AGBL4: variants seen among roughly 807,000 people sequenced by gnomAD.
AGBL4 encodes the protein AGBL carboxypeptidase 4.
In AGBL4, 58 loss-of-function variants were observed where a neutral mutation model predicts 66.4. That is an observed-to-expected ratio of 0.87 (90% CI 0.71 to 1.09). AGBL4 has a LOEUF of 1.09. Ranked by LOEUF, AGBL4 falls within the 50% of genes least tolerant of loss-of-function variation. The pLI is 0.00. For missense variants in AGBL4, 579 were observed against 631.0 expected, an observed-to-expected ratio of 0.92 and a Z score of 0.88; for synonymous variants, 234 against 222.9, an observed-to-expected ratio of 1.05 and a Z score of -0.44.
chr1:48,910,436 A>G (rs557426228), intron 5 of AGBL4, among the ~76,000 whole-genome samples: 2 of 152,314 alleles, frequency 1.3e-5, no homozygotes, highest in South Asian at 4.1e-4. Context: ...AGATTCACTA[A>G]CAGTTATTTT....
chr1:48,786,910 G>T (rs1645421217), intron 6 of AGBL4, among the ~76,000 whole-genome samples: 1 of 152,120 alleles, frequency 6.6e-6, no homozygotes, highest in African/African-American at 2.4e-5. Flanking sequence ...CCCTATTATT[G>T]ATTAGAGGAA....
chr1:49,752,928 T>C (rs185345123), intron 2 of AGBL4, among the ~76,000 whole-genome samples: 12 of 152,368 alleles, frequency 7.9e-5, no homozygotes, highest in Non-Finnish European at 1.2e-4. Flanking sequence ...TTGGTAAATC[T>C]TCCCACATCC....
At chr1:49,397,571 C>T (rs921363032) in intron 3 of AGBL4, among the ~76,000 whole-genome samples, 1 of 152,012 alleles carries the variant, frequency 6.6e-6, no homozygotes, top group Non-Finnish European at 1.5e-5. Context: ...ATTAGTAATC[C>T]AGAATTGAAT....
chr1:49,144,962 CAGA>C (rs1646188998), intron 4 of AGBL4, among the ~76,000 whole-genome samples: 1 of 152,026 alleles, frequency 6.6e-6, no homozygotes, highest in East Asian at 1.9e-4. Context: ...AATGGCAGAA[CAGA>C]AGATGTGGGA....
At chr1:49,016,492 T>C (rs1662832856) in intron 5 of AGBL4, among the ~76,000 whole-genome samples, 1 of 152,168 alleles carries the variant, frequency 6.6e-6, no homozygotes, top group Admixed American at 6.5e-5. Context: ...ACTCAGTCAC[T>C]TGAGAGTGCC....
chr1:49,504,220 G>A (rs1440155816), intron 3 of AGBL4, among the ~76,000 whole-genome samples: 4 of 152,032 alleles, frequency 2.6e-5, no homozygotes, highest in Admixed American at 2.6e-4. Context: ...TGTAGAAGGA[G>A]CCTTCTTCTT....
chr1:48,790,056 A>G (rs893960659), intron 6 of AGBL4, among the ~76,000 whole-genome samples: 5 of 152,236 alleles, frequency 3.3e-5, no homozygotes, highest in African/African-American at 9.6e-5. Flanking sequence ...CTGAAAGCAG[A>G]GTAGGAAGTG....
chr1:48,651,210 T>C (rs1221370098), intron 8 of AGBL4, among the ~76,000 whole-genome samples: 7 of 151,986 alleles, frequency 4.6e-5, no homozygotes, highest in Non-Finnish European at 4.4e-5. Flanking sequence ...ATGTTGGGGG[T>C]TGAAGCTTCA....
At chr1:49,963,869 C>A (rs1657328311) in intron 1 of AGBL4, among the ~76,000 whole-genome samples, 1 of 151,938 alleles carries the variant, frequency 6.6e-6, no homozygotes, top group Non-Finnish European at 1.5e-5. Context: ...TCTCCCTTCT[C>A]TCCCCAAAAA....
chr1:49,844,919 G>A (rs1646096971), intron 2 of AGBL4: 12 of 1,369,086 alleles, frequency 8.8e-6, no homozygotes, highest in Non-Finnish European at 1.0e-5. Flanking sequence ...CAGTGACAGA[G>A]GAATGGGTTT....
At chr1:48,710,967 C>T (rs1363587286) in intron 6 of AGBL4, among the ~76,000 whole-genome samples, 1 of 151,464 alleles carries the variant, frequency 6.6e-6, no homozygotes, top group East Asian at 1.9e-4. Flanking sequence ...AGTGACAAAC[C>T]TCTCACATGG....
intron 3 of AGBL4, among the ~76,000 whole-genome samples, chr1:49,678,637 A>AAAT (rs1646627190): frequency 1.3e-5 from 2 of 152,224 alleles, no homozygotes; most frequent in Admixed American, 1.3e-4. Context: ...TACCGGCCAC[A>AAAT]AATTTTGGTA....
chr1:48,628,474 C>T (rs184392), intron 9 of AGBL4, among the ~76,000 whole-genome samples: 107,770 of 151,986 alleles, frequency 0.71, 39,157 homozygotes, highest in African/African-American at 0.85. Flanking sequence ...TTTAATTCAG[C>T]TAAAAATCAA....
At chr1:48,753,611 T>C (rs897903041) in intron 6 of AGBL4, among the ~76,000 whole-genome samples, 6 of 152,358 alleles carry the variant, frequency 3.9e-5, no homozygotes, top group Admixed American at 3.9e-4. Context: ...GAAACAGATA[T>C]GCAGGCCACA....
At chr1:48,673,152 C>A (rs756392218) in intron 6 of AGBL4, among the ~76,000 whole-genome samples, 1 of 152,174 alleles carries the variant, frequency 6.6e-6, no homozygotes, top group Non-Finnish European at 1.5e-5. Context: ...TATGTGCAGG[C>A]ACCTGCACAC....
At chr1:49,285,546 C>T (rs1441973741) in intron 3 of AGBL4, among the ~76,000 whole-genome samples, 1 of 151,992 alleles carries the variant, frequency 6.6e-6, no homozygotes, top group Non-Finnish European at 1.5e-5. Context: ...GAAATAGAGA[C>T]ACAAAAAACC....
At chr1:48,907,210 T>C (rs1289105236) in intron 5 of AGBL4, among the ~76,000 whole-genome samples, 1 of 152,180 alleles carries the variant, frequency 6.6e-6, no homozygotes. Context: ...AGTGAAAAAT[T>C]TTAAGTGAGA....
intron 1 of AGBL4, among the ~76,000 whole-genome samples, chr1:50,019,718 GA>G (rs1368449200): frequency 1.3e-5 from 2 of 151,924 alleles, no homozygotes; most frequent in Non-Finnish European, 2.9e-5. Context: ...TGACAAAATA[GA>G]AAAACAAATT....
chr1:48,948,120 C>T, intron 5 of AGBL4, among the ~76,000 whole-genome samples: 1 of 152,164 alleles, frequency 6.6e-6, no homozygotes, highest in South Asian at 2.1e-4. Flanking sequence ...TTTGGATCAT[C>T]TCTTTTCACT....
Sources: gnomAD v4.1 joint callset for allele counts (sites outside exome capture counted in the v4.1 genomes callset) on GRCh38, gnomAD v4.1.1 for gene constraint, MANE v1.5 for transcripts, NCBI Gene and HGNC (gene_info 2026-07-23, HGNC 2026-07-21) for gene names.